Variants in DTX1 observed in about 807,000 individuals in gnomAD.
DTX1 encodes the protein E3 ubiquitin-protein ligase DTX1.
In DTX1, 26 loss-of-function variants were observed where a neutral mutation model predicts 57.8. That is an observed-to-expected ratio of 0.45 (90% CI 0.33 to 0.62). DTX1 has a LOEUF of 0.62. Ranked by LOEUF, DTX1 falls within the 20% of genes least tolerant of loss-of-function variation. DTX1 has a pLI of 0.02. For synonymous variants in DTX1, 398 were observed against 394.1 expected (o/e 1.01, Z -0.12); for missense variants, 704 against 895.3 (o/e 0.79, Z 2.73).
In DTX1 at chr12:113,078,130, G is replaced by C. The variant is rs963962305; in HGVS notation, c.941+25G>C. ...GGTAAGACGGGGCCCAGGGGGAGGG[G>C]GCCTCTGCGTCGTCCGCAGGCAAGG... On this transcript the variant is annotated intron_variant, in intron 3 of 9. Transcript: ENST00000548759. 10 of 1,337,496 alleles carry C rather than the reference G, an allele frequency of 7.5e-6. No homozygotes were observed. The Admixed American group carries it at 1.9e-4, about 26-fold the overall frequency. The allele number at this position is 1,337,496 out of a possible 1,614,324, so 82.9% of individuals were successfully genotyped here. A position where few individuals can be genotyped will look rare whatever the true frequency, so the allele number is the denominator to read the frequency against.
At position 113,094,038 on chromosome 12, in the gene DTX1, G is replaced by T. The variant is rs1950266551; in HGVS notation, c.1166G>T (p.Ser389Ile). Reference protein sequence around the residue: ...RKTKKKHLKKSKNPEDVVRRY... With the variant: ...RKTKKKHLKKIKNPEDVVRRY... ...AACCCACCCCGCTGTGTCCCTGCAG[G>T]TAAGAATCCCGAGGATGTGGTTCGA... is the stretch of plus-strand genomic sequence containing the variant. Residue 389 changes from serine to isoleucine, a missense_variant and splice_region_variant, in exon 6 of 10, where the codon AGT (serine) becomes ATT (isoleucine). Around this residue, in one of 3 missense-constraint regions of DTX1, gnomAD observed 299 missense variants for 311.2 expected, o/e 0.96. Coordinates refer to ENST00000548759, the MANE Select transcript of DTX1 (RefSeq NM_004416.3). The T allele has an allele frequency of 1.3e-6, 2 of 1,524,120 alleles. No homozygotes were observed. The highest frequency in any genetic ancestry group is 2.5e-5 in the East Asian group (1 of 40,172). The allele number at this position is 1,524,120 out of a possible 1,614,324, so 94.4% of individuals were successfully genotyped here.
chr12:113,058,311 A>T lies in DTX1; in HGVS notation c.119A>T (p.Tyr40Phe), dbSNP rs2136420713. Residue 40 changes from tyrosine to phenylalanine, a missense_variant, in exon 2 of 10, where the codon TAC becomes TTC. Around this residue, in one of 3 missense-constraint regions of DTX1, gnomAD observed 237 missense variants for 328.6 expected, o/e 0.72. Transcript: ENST00000548759. ...AATGAGCACAGCCGCTGGCGGCCCT[A>T]CACGGCCACCGTGTGCCACCACATT... ...WLNEHSRWRP[Y>F]TATVCHHIEN... 6.2e-7 allele frequency: 1 copy of T among 1,613,632 alleles called. No individual in the cohort carries two copies. Among genetic ancestry groups the T allele is most frequent in the Non-Finnish European group, 8.5e-7 (1 of 1,180,022 alleles).
At chr12:113,064,989 CAGGGTCCTGGAGG>C (rs1046806111) in intron 2 of DTX1, among the ~76,000 whole-genome samples, 2 of 152,190 alleles carry the variant, frequency 1.3e-5, no homozygotes, top group Non-Finnish European at 2.9e-5. Context: ...GGTCCTTCAG[CAGGGTCCTGGAGG>C]AGGGTCTCAG....
chr12:113,094,725 C>A, intron 6 of DTX1, 64 bp from the exon 7 acceptor site: 1 of 1,561,666 alleles, frequency 6.4e-7, no homozygotes. Context: ...CACCAAGGGG[C>A]AGTGCTGACC....
chr12:113,065,397 G>A (rs2044697202), intron 2 of DTX1, among the ~76,000 whole-genome samples: 1 of 152,054 alleles, frequency 6.6e-6, no homozygotes. Flanking sequence ...AGGCTCGCCC[G>A]GGCCACCGAG....
At chr12:113,068,903 T>A (rs2044722031) in intron 2 of DTX1, among the ~76,000 whole-genome samples, 1 of 152,220 alleles carries the variant, frequency 6.6e-6, no homozygotes, top group African/African-American at 2.4e-5. Flanking sequence ...CTAGATTCAA[T>A]CTTCACTTAG....
chr12:113,097,505 T>C lies in DTX1; in HGVS notation c.*566T>C, dbSNP rs1031774012. On this transcript the variant is annotated 3_prime_UTR_variant, in exon 10 of 10. Coordinates refer to ENST00000548759, the MANE Select transcript of DTX1 (RefSeq NM_004416.3). ...CACTGATTGGGCAATTGTGGGCCCA[T>C]GGGGTGGAAGCCCCCAGATGACTGA... 6.6e-6 allele frequency: 1 copy of C among 151,988 alleles called. No individual in the cohort carries two copies. The highest frequency in any genetic ancestry group is 3.4e-3 in the Middle Eastern group (1 of 294). 9.4% of individuals were successfully genotyped at this position (151,988 alleles called of 1,614,324 possible). A position where few individuals can be genotyped will look rare whatever the true frequency, so the allele number is the denominator to read the frequency against.
At chr12:113,087,055 C>T (rs2044864859) in intron 3 of DTX1, among the ~76,000 whole-genome samples, 1 of 152,084 alleles carries the variant, frequency 6.6e-6, no homozygotes, top group African/African-American at 2.4e-5. Flanking sequence ...ACCGGTCCTC[C>T]CTGCCCCCAA....
intron 3 of DTX1, among the ~76,000 whole-genome samples, chr12:113,080,531 C>G (rs1317969842): frequency 2.0e-5 from 3 of 151,018 alleles, no homozygotes; most frequent in African/African-American, 7.3e-5. Context: ...GACTGGAAAT[C>G]AGAAGGTTAA....
chr12:113,093,373 G>A lies in DTX1; in HGVS notation c.1003+150G>A. ...ACTGGGCCCAGGACACAGGGCGGGCGTGGCCCGCAGAAAGGCCCTTCAGGG... is the reference window on the plus strand; with the variant it reads ...ACTGGGCCCAGGACACAGGGCGGGCATGGCCCGCAGAAAGGCCCTTCAGGG... On this transcript the variant is annotated intron_variant, in intron 4 of 9. Transcript: ENST00000548759. This position sits in a 1 kb window ranked among gnomAD's most constrained non-coding sequence, Gnocchi z 4.2. The A allele has an allele frequency of 7.6e-7, 1 of 1,321,140 alleles. No individual in the cohort carries two copies. Among genetic ancestry groups the A allele is most frequent in the Admixed American group, 2.8e-5 (1 of 35,222 alleles). 81.8% of individuals were successfully genotyped at this position (1,321,140 alleles called of 1,614,324 possible).
Position 113,080,589 on chromosome 12 carries a change from AGAATG to A in DTX1, c.941+2508_941+2512del, listed in dbSNP as rs111327121. Among the ~76,000 whole-genome samples, 45 of 151,278 alleles carry A rather than the reference AGAATG, an allele frequency of 3.0e-4. No individual in the cohort carries two copies. The East Asian group carries it at 4.4e-3, about 15-fold the overall frequency. ...GTTGTAGCCAGAATTTTCTTGGAAC[AGAATG>A]GAATGGAATGGAATGGAATGGAACG... On this transcript the variant is annotated intron_variant, in intron 3 of 9. Coordinates refer to ENST00000548759, the MANE Select transcript of DTX1 (RefSeq NM_004416.3).
At position 113,077,807 on chromosome 12, in the gene DTX1, T is replaced by A; in HGVS notation, c.643T>A (p.Ser215Thr). 6.8e-7 allele frequency: 1 copy of A among 1,469,348 alleles called. No homozygotes were observed. 91.0% of individuals were successfully genotyped at this position (1,469,348 alleles called of 1,614,324 possible). ...CLLVNSTRAA[S>T]NAILASQRRK... ...GCTGGTCAACAGCACGCGCGCCGCC[T>A]CCAACGCCATCCTGGCCTCGCAGCG... Residue 215 changes from serine to threonine, a missense_variant, in exon 3 of 10, where the codon TCC (serine) becomes ACC (threonine). This residue lies in a region of DTX1 where 237 missense variants were observed against 328.6 expected (regional missense o/e 0.72). Coordinates refer to ENST00000548759, the MANE Select transcript of DTX1 (RefSeq NM_004416.3). This position sits in a 1 kb window ranked among gnomAD's most constrained non-coding sequence, Gnocchi z 7.8.
intron 6 of DTX1, 140 bp from the exon 7 acceptor site, chr12:113,094,649 G>C: frequency 1.1e-6 from 1 of 911,472 alleles, no homozygotes; most frequent in Non-Finnish European, 1.6e-6. Context: ...TGGGGCAGAG[G>C]GTGTGTCCTG....
rs146045861 is a variant in DTX1 at position 113,070,198 on chromosome 12, C to T, written c.260-7226C>T. 1.1e-3 allele frequency among the ~76,000 whole-genome samples: 174 copies of T among 152,360 alleles called. 1 individual carries two copies. The highest frequency in any genetic ancestry group is 3.8e-3 in the African/African-American group (160 of 41,582). On this transcript the variant is annotated intron_variant, in intron 2 of 9. Transcript: ENST00000548759. The stretch of plus-strand genomic sequence containing the variant: ...CTCTTTCGCTTGAATGAGCTAAACA[C>T]AGCCTGGGGCAGAAAAGTGTGCTCT...
intron 3 of DTX1, chr12:113,089,873 C>T (rs1950233713): frequency 6.6e-6 from 1 of 152,216 alleles, no homozygotes; most frequent in African/African-American, 2.4e-5. Flanking sequence ...TCCTGGAGTA[C>T]CCTCTGTCTA....
chr12:113,090,416 G>A (rs967430242), intron 3 of DTX1, among the ~76,000 whole-genome samples: 2 of 152,140 alleles, frequency 1.3e-5, no homozygotes, highest in African/African-American at 2.4e-5. Flanking sequence ...CCCCCCGCAG[G>A]GTGCCCGACA....
In DTX1 at chr12:113,083,826, C is replaced by G. The variant is rs187143054; in HGVS notation, c.941+5721C>G. Among the ~76,000 whole-genome samples, 3 of 152,298 alleles carry G rather than the reference C, an allele frequency of 2.0e-5. No homozygotes were observed. The East Asian group carries it at 5.8e-4, about 29-fold the overall frequency. On this transcript the variant is annotated intron_variant, in intron 3 of 9. Transcript: ENST00000548759. ...CTTCTGTCCACCCTCCTTCTCTCCC[C>G]TCCTGGACCCAAACAGATCCAGAGC...
rs542176623 is a variant in DTX1 at position 113,090,986 on chromosome 12, C to A, written c.942-2176C>A. On this transcript the variant is annotated intron_variant, in intron 3 of 9. Coordinates refer to ENST00000548759, the MANE Select transcript of DTX1 (RefSeq NM_004416.3). ...CACGAGTACTTCCCCACAGGCGGTG[C>A]GGAATCGTGTGTCCGCGTGTGGACG... Among the ~76,000 whole-genome samples the A allele has an allele frequency of 6.6e-5, 10 of 152,334 alleles. No individual in the cohort carries two copies. In the South Asian group the frequency reaches 2.1e-3, roughly 32 times the overall value.
Position 113,077,381 on chromosome 12 carries a change from C to T in DTX1, c.260-43C>T. 6.4e-7 allele frequency: 1 copy of T among 1,551,588 alleles called. No individual in the cohort carries two copies. Among genetic ancestry groups the T allele is most frequent in the Non-Finnish European group, 8.6e-7 (1 of 1,156,352 alleles). ...GGCCCGCCCTTCCAGCCGCGCAGAC[C>T]AACGCCCGCTGTGCTGACGCCTCCT... On this transcript the variant is annotated intron_variant, in intron 2 of 9. Transcript: ENST00000548759. The surrounding 1 kb of genome is among the most constrained non-coding windows in gnomAD (Gnocchi z 7.8).
Sources: gnomAD v4.1 joint callset for allele counts (sites outside exome capture counted in the v4.1 genomes callset) on GRCh38, gnomAD v4.1.1 for gene constraint, gnomAD v4.1.1 regional missense constraint, Gnocchi (gnomAD v3.1) non-coding constraint, MANE v1.5 for transcripts, NCBI Gene and HGNC (gene_info 2026-07-23, HGNC 2026-07-21) for gene names.